The following BCL2L11 variants were observed in gnomAD, a reference collection of about 807,000 sequenced individuals.
BCL2L11 encodes the protein bcl-2-like protein 11.
In BCL2L11, 15 loss-of-function variants were observed where a neutral mutation model predicts 20.6. The observed-to-expected ratio is 0.73, with a 90% confidence interval of 0.49 to 1.12. The LOEUF (loss-of-function observed/expected upper bound fraction) is 1.12, where lower values mean the gene tolerates loss of function less well. Among genes scored for constraint, BCL2L11 ranks in the 50% most tolerant of loss-of-function variants. The pLI is 0.00. For missense variants in BCL2L11, 292 were observed against 260.9 expected (o/e 1.12, Z -0.82); for synonymous variants, 108 against 92.8 (o/e 1.16, Z -0.94).
At chr2:111,152,586 G>C (rs1299549522) in intron 3 of BCL2L11, among the ~76,000 whole-genome samples, 1 of 152,204 alleles carries the variant, frequency 6.6e-6, no homozygotes, top group East Asian at 1.9e-4. Flanking sequence ...GGCTGGCATG[G>C]GGACTGGAGT....
chr2:111,136,632 C>T (rs144775816), intron 2 of BCL2L11, among the ~76,000 whole-genome samples: 1,994 of 152,210 alleles, frequency 0.013, 25 homozygotes, highest in Admixed American at 0.016. Context: ...GTTTGGTGTG[C>T]GGTGAGGGCC....
intron 3 of BCL2L11, chr2:111,162,957 TAC>T (rs1412785573): frequency 6.6e-6 from 1 of 152,234 alleles, no homozygotes; most frequent in Non-Finnish European, 1.5e-5. Context: ...AGACTGTGGT[TAC>T]AGAGTGCCTC....
At chr2:111,145,141 T>G (rs2076339192) in intron 2 of BCL2L11, among the ~76,000 whole-genome samples, 1 of 152,204 alleles carries the variant, frequency 6.6e-6, no homozygotes. Flanking sequence ...GAATTTTAAT[T>G]TGGTTTCTGG....
In BCL2L11 at chr2:111,167,708, C is replaced by G. The variant is rs1324357733; in HGVS notation, c.*3477C>G. On this transcript the variant is annotated 3_prime_UTR_variant, in exon 4 of 4. Coordinates refer to ENST00000393256, the MANE Select transcript of BCL2L11 (RefSeq NM_138621.5). ...TGTGAGTAGCTGGGTTTTCCCCCAC[C>G]TGCTGTGCAACTTCCTGTGCTTTGA... 1.3e-5 allele frequency: 2 copies of G among 152,350 alleles called. No individual in the cohort carries two copies. Among genetic ancestry groups the G allele is most frequent in the African/African-American group, 4.8e-5 (2 of 41,448 alleles). The allele number at this position is 152,350 out of a possible 1,614,324, so 9.4% of individuals were successfully genotyped here.
At chr2:111,135,614 A>G (rs2074726138) in intron 2 of BCL2L11, among the ~76,000 whole-genome samples, 1 of 152,020 alleles carries the variant, frequency 6.6e-6, no homozygotes, top group Non-Finnish European at 1.5e-5. Flanking sequence ...TTGATGCTAG[A>G]TGGGAGAGTT....
At chr2:111,138,012 C>CTTTTTTTT (rs66601807) in intron 2 of BCL2L11, among the ~76,000 whole-genome samples, 2 of 127,142 alleles carry the variant, frequency 1.6e-5, no homozygotes, top group Admixed American at 7.8e-5. Context: ...TTCTTTCTTT[C>CTTTTTTTT]TTTTTTTTTT....
intron 1 of BCL2L11, among the ~76,000 whole-genome samples, chr2:111,122,104 T>TC (rs1221987648): frequency 6.6e-6 from 1 of 152,052 alleles, no homozygotes; most frequent in East Asian, 1.9e-4. Flanking sequence ...CGGCCAGGGG[T>TC]GGCTCTTCGG....
intron 2 of BCL2L11, chr2:111,145,809 C>T (rs529177353): frequency 9.7e-6 from 2 of 205,746 alleles, no homozygotes; most frequent in Admixed American, 6.5e-5. Flanking sequence ...CAGTAAGTTC[C>T]GGGCTTCAAA....
At chr2:111,137,447 C>T (rs572024775) in intron 2 of BCL2L11, among the ~76,000 whole-genome samples, 4 of 152,154 alleles carry the variant, frequency 2.6e-5, no homozygotes, top group African/African-American at 7.2e-5. Flanking sequence ...GGTCCCTGCT[C>T]GGTCAATGGC....
At chr2:111,156,098 A>G (rs939591265) in intron 3 of BCL2L11, among the ~76,000 whole-genome samples, 3 of 152,234 alleles carry the variant, frequency 2.0e-5, no homozygotes, top group African/African-American at 7.2e-5. Flanking sequence ...TGAATAATGT[A>G]CAAAGGCAAG....
In BCL2L11 at chr2:111,120,966, G is replaced by GCGC. The variant is rs1190224654; in HGVS notation, c.-232_-230dup. The GCGC allele has an allele frequency of 2.7e-6, 1 of 368,006 alleles. No individual in the cohort carries two copies. Among genetic ancestry groups the GCGC allele is most frequent in the Non-Finnish European group, 4.7e-6 (1 of 213,452 alleles). 22.8% of individuals were successfully genotyped at this position (368,006 alleles called of 1,614,324 possible). A position where few individuals can be genotyped will look rare whatever the true frequency, so the allele number is the denominator to read the frequency against. ...GCAGTTTGTTGGAGCTCTGCGTCCAGCGCCGCTGCCGCTGCCGCCGCCGCC... is the reference window on the plus strand; with the variant it reads ...GCAGTTTGTTGGAGCTCTGCGTCCAGCGCCGCCGCTGCCGCTGCCGCCGCCGCC... On this transcript the variant is annotated 5_prime_UTR_variant, in exon 1 of 4. Coordinates refer to ENST00000393256, the MANE Select transcript of BCL2L11 (RefSeq NM_138621.5).
intron 2 of BCL2L11, among the ~76,000 whole-genome samples, chr2:111,130,466 G>A (rs72836348): frequency 0.072 from 10,927 of 152,222 alleles, 566 homozygotes; most frequent in Non-Finnish European, 0.11. Flanking sequence ...TTTGTGTGTT[G>A]GTCTTCTGTT....
At position 111,164,917 on chromosome 2, in the gene BCL2L11, G is replaced by A. The variant is rs1474288417; in HGVS notation, c.*686G>A. The stretch of plus-strand genomic sequence containing the variant: ...ATATTTACGTACCTTTATAAATTCA[G>A]TTGCATCTGTGGCAAAATTTCAGAC... On this transcript the variant is annotated 3_prime_UTR_variant, in exon 4 of 4. Transcript: ENST00000393256. The A allele has an allele frequency of 6.6e-6, 1 of 152,272 alleles. No homozygotes were observed. The highest frequency in any genetic ancestry group is 2.4e-5 in the African/African-American group (1 of 41,432). 9.4% of individuals were successfully genotyped at this position (152,272 alleles called of 1,614,324 possible). A position where few individuals can be genotyped will look rare whatever the true frequency, so the allele number is the denominator to read the frequency against.
intron 3 of BCL2L11, among the ~76,000 whole-genome samples, chr2:111,153,375 T>TA (rs112751114): frequency 1.8e-4 from 26 of 146,864 alleles, no homozygotes; most frequent in East Asian, 3.9e-4. Flanking sequence ...AAACTCCATC[T>TA]AAAAAAAAAA....
At chr2:111,143,766 C>T (rs911016335) in intron 2 of BCL2L11, among the ~76,000 whole-genome samples, 2 of 152,128 alleles carry the variant, frequency 1.3e-5, no homozygotes, top group African/African-American at 2.4e-5. Context: ...CCTGGCTTGT[C>T]CCCAGCTGCT....
intron 3 of BCL2L11, chr2:111,151,756 A>T (rs2077283807): frequency 7.7e-7 from 1 of 1,301,836 alleles, no homozygotes; most frequent in African/African-American, 1.5e-5. Flanking sequence ...TGTAGTAATG[A>T]TTCTGTTGTA....
intron 3 of BCL2L11, chr2:111,162,901 TAAATC>T (rs1250110809): frequency 3.3e-5 from 5 of 152,354 alleles, no homozygotes; most frequent in East Asian, 1.9e-4. Context: ...TTTTGAAAGT[TAAATC>T]AAAACAAAGC....
intron 2 of BCL2L11, among the ~76,000 whole-genome samples, chr2:111,127,865 TTTAA>T (rs1454676940): frequency 3.3e-5 from 5 of 152,150 alleles, no homozygotes; most frequent in South Asian, 2.1e-4. Flanking sequence ...TGCAAAATAG[TTTAA>T]TTGTTTTCAT....
chr2:111,125,914 T>C (rs1026460643), intron 2 of BCL2L11, among the ~76,000 whole-genome samples: 1 of 152,176 alleles, frequency 6.6e-6, no homozygotes, highest in Non-Finnish European at 1.5e-5. Context: ...CCCATATATA[T>C]GATCATTCTC....
Sources: allele counts gnomAD v4.1 joint callset (sites outside exome capture counted in the v4.1 genomes callset), GRCh38; gene constraint gnomAD v4.1.1; transcripts MANE v1.5; gene names NCBI Gene and HGNC (gene_info 2026-07-23, HGNC 2026-07-21).